STK3: variants seen among roughly 807,000 people sequenced by gnomAD.
STK3 encodes the protein serine/threonine kinase 3, also known as serine/threonine-protein kinase 3.
STK3 carries 41 observed loss-of-function variants against 58.0 expected under a neutral mutation model. That is an observed-to-expected ratio of 0.71 (90% CI 0.55 to 0.92). The LOEUF is 0.92. Among genes scored for constraint, STK3 ranks in the 40% least tolerant of loss-of-function variants. The probability of loss-of-function intolerance (pLI) is 0.00; values close to 1 mark genes in which losing one functional copy is unlikely to be tolerated. For missense variants in STK3, 479 were observed against 602.7 expected (o/e 0.79, Z 2.15); for synonymous variants, 170 against 191.0 (o/e 0.89, Z 0.91).
At chr8:98,848,712 T>C (rs1282697292) in intron 3 of STK3, among the ~76,000 whole-genome samples, 1 of 152,228 alleles carries the variant, frequency 6.6e-6, no homozygotes, top group Non-Finnish European at 1.5e-5. Context: ...TAATATTCCT[T>C]TGTGTGGATG....
intron 1 of STK3, among the ~76,000 whole-genome samples, chr8:98,794,079 A>G (rs1269729623): frequency 1.3e-5 from 2 of 152,190 alleles, no homozygotes; most frequent in African/African-American, 2.4e-5. Flanking sequence ...ACCTACCTCA[A>G]AAAATCAGAA....
intron 1 of STK3, among the ~76,000 whole-genome samples, chr8:98,439,513 T>A (rs1818615366): frequency 6.6e-6 from 1 of 152,074 alleles, no homozygotes; most frequent in African/African-American, 2.4e-5. Flanking sequence ...GATATTCCCC[T>A]CAGGTAATGA....
chr8:98,569,316 AAGAC>A (rs1812763952), intron 8 of STK3, among the ~76,000 whole-genome samples: 1 of 152,136 alleles, frequency 6.6e-6, no homozygotes, highest in Admixed American at 6.5e-5. Context: ...TAAAACAAGA[AAGAC>A]AGAAGACAGC....
chr8:98,902,317 A>G (rs774519895), intron 1 of STK3, among the ~76,000 whole-genome samples: 5 of 152,192 alleles, frequency 3.3e-5, no homozygotes, highest in African/African-American at 4.8e-5. Flanking sequence ...CTATTTGTCC[A>G]ATACCATGGA....
intron 6 of STK3, among the ~76,000 whole-genome samples, chr8:98,696,038 A>C (rs1163876940): frequency 4.0e-5 from 6 of 151,704 alleles, no homozygotes; most frequent in African/African-American, 1.2e-4. Context: ...CTTTTATTTC[A>C]TTGAGCAGTG....
intron 4 of STK3, among the ~76,000 whole-genome samples, chr8:98,715,893 CAAT>C (rs918757632): frequency 3.3e-5 from 5 of 152,108 alleles, no homozygotes; most frequent in Non-Finnish European, 5.9e-5. Context: ...AAATGTCCAA[CAAT>C]GATAGACTGG....
intron 2 of STK3, among the ~76,000 whole-genome samples, chr8:98,375,968 T>C (rs1817670199): frequency 1.3e-5 from 2 of 152,246 alleles, no homozygotes; most frequent in Non-Finnish European, 2.9e-5. Context: ...GATGTAAGTA[T>C]ATGTTTAACT....
At chr8:98,851,789 T>A (rs1188521965) in intron 3 of STK3, among the ~76,000 whole-genome samples, 5 of 152,134 alleles carry the variant, frequency 3.3e-5, no homozygotes, top group Admixed American at 2.6e-4. Flanking sequence ...ATCAGGCTTT[T>A]AAATTTTTTT....
chr8:98,511,700 C>T (rs935774513), intron 10 of STK3, among the ~76,000 whole-genome samples: 4 of 152,032 alleles, frequency 2.6e-5, no homozygotes, highest in African/African-American at 9.7e-5. Context: ...TATTATCAAT[C>T]TGAACACAGA....
downstream of STK3, among the ~76,000 whole-genome samples, chr8:98,399,450 C>T (rs565791913): frequency 3.3e-5 from 5 of 152,304 alleles, no homozygotes; most frequent in South Asian, 6.2e-4. Context: ...TGAGTTTCCA[C>T]GTGGCCTGGC....
rs1823597526 is a variant in STK3, at chr8:98,681,001, GTGT to G, written c.684+25463_684+25465del. Among the ~76,000 whole-genome samples the G allele has an allele frequency of 6.0e-5, 6 of 100,504 alleles. No individual in the cohort carries two copies. In the South Asian group the frequency reaches 1.8e-3, roughly 30 times the overall value. The allele number at this position is 100,504 out of a possible 152,430, so 65.9% of individuals were successfully genotyped here. ...CCTTTCTTTTTTTTTTTTTTTTTTG[GTGT>G]TGTTGTTGTTTTGAGATGGAGTCTC... is the stretch of plus-strand genomic sequence containing the variant. On this transcript the variant is annotated intron_variant, in intron 6 of 10. Coordinates refer to ENST00000419617, the MANE Select transcript of STK3 (RefSeq NM_006281.4).
chr8:98,426,646 G>A (rs998926923), intron 3 of STK3, among the ~76,000 whole-genome samples: 1 of 152,162 alleles, frequency 6.6e-6, no homozygotes, highest in Non-Finnish European at 1.5e-5. Flanking sequence ...GGGGACACCT[G>A]GAGTTCCTCC....
At chr8:98,380,160 A>T (rs868473501) in intron 1 of STK3, among the ~76,000 whole-genome samples, 4 of 152,188 alleles carry the variant, frequency 2.6e-5, no homozygotes, top group African/African-American at 9.7e-5. Flanking sequence ...GGTGGTGCAG[A>T]TGTGGAGTTA....
intron 3 of STK3, among the ~76,000 whole-genome samples, chr8:98,844,162 T>TA (rs1836105426): frequency 6.6e-6 from 1 of 152,158 alleles, no homozygotes; most frequent in Non-Finnish European, 1.5e-5. Context: ...AAATAAAATT[T>TA]AAAAAGGCAT....
intron 10 of STK3, chr8:98,462,975 T>A (rs1262329959): frequency 6.6e-6 from 1 of 152,210 alleles, no homozygotes; most frequent in African/African-American, 2.4e-5. Flanking sequence ...AATTTGCATG[T>A]GAGCCTTGCA....
intron 5 of STK3, among the ~76,000 whole-genome samples, chr8:98,706,852 T>C (rs1292642607): frequency 6.6e-6 from 1 of 152,196 alleles, no homozygotes; most frequent in Non-Finnish European, 1.5e-5. Flanking sequence ...ACTACCATCA[T>C]TAAACACAGT....
At chr8:98,793,716 C>T (rs577870316) in intron 1 of STK3, among the ~76,000 whole-genome samples, 42 of 152,242 alleles carry the variant, frequency 2.8e-4, no homozygotes, top group Admixed American at 5.9e-4. Context: ...CTGCAGACTA[C>T]TTCATCCATC....
At chr8:98,656,556 A>AT (rs1293183985) in intron 6 of STK3, among the ~76,000 whole-genome samples, 2 of 151,952 alleles carry the variant, frequency 1.3e-5, no homozygotes, top group Non-Finnish European at 2.9e-5. Flanking sequence ...ATTTTATTCA[A>AT]TTTTTTCAGC....
At chr8:98,882,482 C>CT (rs1203406316), downstream of STK3, 1 of 147,886 alleles carries the variant, frequency 6.8e-6, no homozygotes, top group Non-Finnish European at 1.5e-5. Context: ...ATGGTGCAGT[C>CT]TCACCTTACT....
Sources: gnomAD v4.1 joint callset for allele counts (sites outside exome capture counted in the v4.1 genomes callset) on GRCh38, gnomAD v4.1.1 for gene constraint, MANE v1.5 for transcripts, NCBI Gene and HGNC (gene_info 2026-07-23, HGNC 2026-07-21) for gene names.